Variants in MGMT observed in about 807,000 individuals in gnomAD.
MGMT encodes O-6-methylguanine-DNA methyltransferase.
A neutral mutation model predicts 15.9 loss-of-function variants in MGMT; 14 were observed. That is an observed-to-expected ratio of 0.88 (90% CI 0.58 to 1.37). The LOEUF is 1.37. Among genes scored for constraint, MGMT ranks in the 40% most tolerant of loss-of-function variants. The pLI, the probability that MGMT is intolerant of heterozygous loss-of-function variation, is 0.00. For missense variants in MGMT, 282 were observed against 268.1 expected (o/e 1.05, Z -0.36); for synonymous variants, 130 against 118.2 (o/e 1.10, Z -0.65).
chr10:129,474,075 A>G lies in MGMT; in HGVS notation c.-13+6779A>G, dbSNP rs12250672. On this transcript the variant is annotated intron_variant, in intron 1 of 4. Coordinates refer to ENST00000651593, the MANE Select transcript of MGMT (RefSeq NM_002412.5). Reference sequence around the variant, plus strand: ...GCATTTTGAGCAGAGCAGTGGGACTATGGATGCGGGTACATTTGGGGACCT... The same window carrying G: ...GCATTTTGAGCAGAGCAGTGGGACTGTGGATGCGGGTACATTTGGGGACCT... Among the ~76,000 whole-genome samples, 1,132 of 152,310 alleles carry G rather than the reference A, an allele frequency of 7.4e-3. 8 individuals carry two copies. The highest frequency in any genetic ancestry group is 0.012 in the Non-Finnish European group (790 of 68,022).
At chr10:129,616,583 A>G (rs905905627) in intron 2 of MGMT, among the ~76,000 whole-genome samples, 8 of 152,090 alleles carry the variant, frequency 5.3e-5, no homozygotes, top group African/African-American at 1.7e-4. Flanking sequence ...GTCCTCCTCC[A>G]TGCTCTCCTC....
At chr10:129,673,177 G>A (rs559154120) in intron 2 of MGMT, among the ~76,000 whole-genome samples, 1 of 152,276 alleles carries the variant, frequency 6.6e-6, no homozygotes, top group South Asian at 2.1e-4. Flanking sequence ...CAGGGTAGGG[G>A]CAGCTCCTGT....
Position 129,566,421 on chromosome 10 carries a change from G to A in MGMT, c.125+30044G>A, listed in dbSNP as rs1353236505. ...TGTGGCCTTAGTGCTCTGGGCGGAT[G>A]TACCTTGGCTCTGCCTGGACCCTCT... is the stretch of plus-strand genomic sequence containing the variant. On this transcript the variant is annotated intron_variant, in intron 2 of 4. Transcript: ENST00000651593. The surrounding 1 kb of genome is among the most constrained non-coding windows in gnomAD (Gnocchi z 4.1). Among the ~76,000 whole-genome samples, 1 of 152,158 alleles carries A rather than the reference G, an allele frequency of 6.6e-6. No homozygotes were observed. The highest frequency in any genetic ancestry group is 2.4e-5 in the African/African-American group (1 of 41,438).
chr10:129,702,625 G>A (rs1848112148), intron 2 of MGMT, among the ~76,000 whole-genome samples: 1 of 152,174 alleles, frequency 6.6e-6, no homozygotes, highest in African/African-American at 2.4e-5. Context: ...GGAAGGGGCT[G>A]AGGTACCAGG....
At chr10:129,593,645 C>T (rs1589884182) in intron 2 of MGMT, among the ~76,000 whole-genome samples, 1 of 152,328 alleles carries the variant, frequency 6.6e-6, no homozygotes, top group East Asian at 1.9e-4. Flanking sequence ...GAGGTGACAA[C>T]AACAATGGGT....
chr10:129,698,161 A>G (rs1450776596), intron 2 of MGMT, among the ~76,000 whole-genome samples: 1 of 152,122 alleles, frequency 6.6e-6, no homozygotes, highest in East Asian at 1.9e-4. Context: ...TGAGGAGGAA[A>G]CTGCAAGGTG....
chr10:129,637,708 C>G (rs903040596), intron 2 of MGMT, among the ~76,000 whole-genome samples: 43 of 152,098 alleles, frequency 2.8e-4, no homozygotes, highest in Admixed American at 2.8e-3. Flanking sequence ...GGCCCTAATT[C>G]AGCCTGACTA....
chr10:129,762,660 A>G (rs1425225497), intron 4 of MGMT, among the ~76,000 whole-genome samples: 1 of 152,204 alleles, frequency 6.6e-6, no homozygotes, highest in Non-Finnish European at 1.5e-5. Context: ...GTTCAAAGGC[A>G]ATCGATACAT....
chr10:129,548,501 T>G (rs941973926), intron 2 of MGMT, among the ~76,000 whole-genome samples: 1 of 152,234 alleles, frequency 6.6e-6, no homozygotes, highest in Non-Finnish European at 1.5e-5. Context: ...CTGCTTTTAT[T>G]AAAAAGAAAA....
intron 2 of MGMT, among the ~76,000 whole-genome samples, chr10:129,545,682 A>G (rs1042010683): frequency 1.3e-5 from 2 of 152,170 alleles, no homozygotes. Context: ...ACGACCACCA[A>G]CACACACCTC....
intron 2 of MGMT, among the ~76,000 whole-genome samples, chr10:129,590,491 C>T (rs999585480): frequency 6.6e-6 from 1 of 152,168 alleles, no homozygotes; most frequent in African/African-American, 2.4e-5. Context: ...GAATCTCTAT[C>T]AGAGCAAAAT....
rs1216682272 is a variant in MGMT at position 129,770,451 on chromosome 10, C to G, written c.*3454C>G. On this transcript the variant is annotated 3_prime_UTR_variant, in exon 5 of 5. Coordinates refer to ENST00000651593, the MANE Select transcript of MGMT (RefSeq NM_002412.5). The stretch of plus-strand genomic sequence containing the variant: ...TATCCCCTGACCTGGCCTACAAGGA[C>G]AGAACAGCCCTGGGGGCCACGTCCC... Among the ~76,000 whole-genome samples, 1 of 152,236 alleles carries G rather than the reference C, an allele frequency of 6.6e-6. No homozygotes were observed. Among genetic ancestry groups the G allele is most frequent in the Non-Finnish European group, 1.5e-5 (1 of 68,040 alleles).
At position 129,662,661 on chromosome 10, in the gene MGMT, C is replaced by T. The variant is rs539936513; in HGVS notation, c.126-45234C>T. Among the ~76,000 whole-genome samples, 19 of 152,074 alleles carry T rather than the reference C, an allele frequency of 1.2e-4. No homozygotes were observed. The East Asian group carries it at 3.1e-3, about 25-fold the overall frequency. ...TTCACGTTGGCTTGGTAAGGCAGCC[C>T]GTAGCTCAGCACATGTGAGCAGCAC... On this transcript the variant is annotated intron_variant, in intron 2 of 4. Coordinates refer to ENST00000651593, the MANE Select transcript of MGMT (RefSeq NM_002412.5).
At chr10:129,625,082 C>T (rs897227668) in intron 2 of MGMT, among the ~76,000 whole-genome samples, 35 of 152,090 alleles carry the variant, frequency 2.3e-4, no homozygotes, top group Admixed American at 6.5e-5. Flanking sequence ...AAGATCACTA[C>T]AGAATCTACA....
At chr10:129,726,339 G>A (rs968098641) in intron 3 of MGMT, among the ~76,000 whole-genome samples, 8 of 152,266 alleles carry the variant, frequency 5.3e-5, no homozygotes, top group South Asian at 4.1e-4. Flanking sequence ...ACAGGGCCAC[G>A]TGCAGGTGGA....
At chr10:129,585,137 T>C (rs1846603762) in intron 2 of MGMT, among the ~76,000 whole-genome samples, 1 of 152,194 alleles carries the variant, frequency 6.6e-6, no homozygotes, top group Non-Finnish European at 1.5e-5. Flanking sequence ...ACCAACACTT[T>C]CCATGTTGTC....
At chr10:129,639,730 A>G (rs1483386869) in intron 2 of MGMT, among the ~76,000 whole-genome samples, 1 of 152,174 alleles carries the variant, frequency 6.6e-6, no homozygotes, top group Admixed American at 6.5e-5. Context: ...TATAATAGCA[A>G]AAGGTCTCAA....
At chr10:129,722,951 A>AGCT (rs1848389361) in intron 3 of MGMT, among the ~76,000 whole-genome samples, 1 of 141,826 alleles carries the variant, frequency 7.1e-6, no homozygotes, top group African/African-American at 2.6e-5. Flanking sequence ...GGTTGCAGTG[A>AGCT]GCTGAGATCA....
At chr10:129,704,537 A>G (rs1473019426) in intron 2 of MGMT, among the ~76,000 whole-genome samples, 1 of 152,076 alleles carries the variant, frequency 6.6e-6, no homozygotes, top group Non-Finnish European at 1.5e-5. Context: ...GTCTGGCCGC[A>G]GTGTCCACGG....
Sources: gnomAD v4.1 joint callset for allele counts (sites outside exome capture counted in the v4.1 genomes callset) on GRCh38, gnomAD v4.1.1 for gene constraint, Gnocchi (gnomAD v3.1) non-coding constraint, MANE v1.5 for transcripts, NCBI Gene and HGNC (gene_info 2026-07-23, HGNC 2026-07-21) for gene names.